Variants in MAMLD1 observed in about 807,000 individuals in gnomAD.
MAMLD1 encodes mastermind like domain containing 1.
Under a neutral mutation model 45.0 loss-of-function variants are expected in MAMLD1, and 14 were observed. That is an observed-to-expected ratio of 0.31 (90% CI 0.21 to 0.49). The LOEUF (loss-of-function observed/expected upper bound fraction) is 0.49, where lower values mean the gene tolerates loss of function less well. Ranked by LOEUF, MAMLD1 falls within the 20% of genes least tolerant of loss-of-function variation. The pLI, the probability that MAMLD1 is intolerant of heterozygous loss-of-function variation, is 0.99. For synonymous variants in MAMLD1, 254 were observed against 247.8 expected, an observed-to-expected ratio of 1.02 and a Z score of -0.24; for missense variants, 543 against 603.6, an observed-to-expected ratio of 0.90 and a Z score of 1.05.
chrX:150,444,880 C>T (rs1239651432), intron 1 of MAMLD1, among the ~76,000 whole-genome samples: 1 of 111,981 alleles, frequency 8.9e-6, no homozygotes, highest in Admixed American at 9.5e-5. Flanking sequence ...CATGAGCCCC[C>T]TTTCAATATC....
At chrX:150,431,889 G>C (rs1336626535) in intron 1 of MAMLD1, among the ~76,000 whole-genome samples, 2 of 111,405 alleles carry the variant, frequency 1.8e-5, no homozygotes, top group East Asian at 5.6e-4. Flanking sequence ...ACATGCGTGT[G>C]TGTGTCTTTA....
chrX:150,365,087 C>T (rs1380780702), intron 1 of MAMLD1, among the ~76,000 whole-genome samples: 3 of 110,607 alleles, frequency 2.7e-5, no homozygotes, highest in Non-Finnish European at 5.7e-5. Context: ...CTCTTCTTGT[C>T]TTTATAGATC....
At chrX:150,413,410 G>A (rs1160705795) in intron 1 of MAMLD1, among the ~76,000 whole-genome samples, 3 of 111,539 alleles carry the variant, frequency 2.7e-5, no homozygotes, top group African/African-American at 9.8e-5. Context: ...TGCTACGGAG[G>A]TGCAGCTTCT....
intron 5 of MAMLD1, 91 bp from the exon 6 acceptor site, chrX:150,503,183 T>C (rs2037616633): frequency 1.2e-6 from 1 of 818,429 alleles, no homozygotes; most frequent in South Asian, 2.0e-5. Flanking sequence ...AACACCCAGA[T>C]GACCCAGCTA....
At chrX:150,418,311 T>G (rs1396874524) in intron 1 of MAMLD1, among the ~76,000 whole-genome samples, 1 of 111,229 alleles carries the variant, frequency 9.0e-6, no homozygotes, top group Non-Finnish European at 1.9e-5. Context: ...TTATTGCGTC[T>G]ATTTGATTCT....
At chrX:150,457,959 A>T (rs2035922877) in intron 2 of MAMLD1, among the ~76,000 whole-genome samples, 2 of 111,550 alleles carry the variant, frequency 1.8e-5, no homozygotes, top group Admixed American at 9.5e-5. Context: ...CCTCAATTTA[A>T]AAAGAGAGGA....
At chrX:150,399,799 G>A (rs146393678) in intron 1 of MAMLD1, among the ~76,000 whole-genome samples, 3 of 112,077 alleles carry the variant, frequency 2.7e-5, no homozygotes, top group African/African-American at 9.7e-5. Context: ...AGAATGAATT[G>A]CTGTTGTTTT....
chrX:150,456,520 G>A (rs2035872552), intron 2 of MAMLD1, among the ~76,000 whole-genome samples: 1 of 111,527 alleles, frequency 9.0e-6, no homozygotes, highest in Non-Finnish European at 1.9e-5. Context: ...ACAACATCCT[G>A]AGACTCTGTG....
intron 5 of MAMLD1, among the ~76,000 whole-genome samples, chrX:150,487,074 A>G (rs2037014959): frequency 8.9e-6 from 1 of 111,829 alleles, no homozygotes; most frequent in African/African-American, 3.3e-5. Context: ...TTGCATTTGT[A>G]ATAGATTTCC....
At chrX:150,424,696 G>C (rs1039512287) in intron 1 of MAMLD1, among the ~76,000 whole-genome samples, 1 of 112,474 alleles carries the variant, frequency 8.9e-6, no homozygotes, top group African/African-American at 3.2e-5. Context: ...TTAGAGCAAA[G>C]AGTGATAACA....
intron 6 of MAMLD1, chrX:150,505,045 A>C: frequency 1.3e-6 from 1 of 754,105 alleles, no homozygotes; most frequent in African/African-American, 2.3e-5. Context: ...AGGAGGAGTC[A>C]GAATAGAGTT....
chrX:150,362,285 G>C (rs916406633), upstream of MAMLD1, among the ~76,000 whole-genome samples: 1 of 111,077 alleles, frequency 9.0e-6, no homozygotes, highest in Non-Finnish European at 1.9e-5. Context: ...GTCAGGCTCT[G>C]GTGAAAATGG....
At chrX:150,380,186 A>G (rs2032534269) in intron 1 of MAMLD1, among the ~76,000 whole-genome samples, 1 of 111,969 alleles carries the variant, frequency 8.9e-6, no homozygotes, top group Non-Finnish European at 1.9e-5. Context: ...CTCACCAACA[A>G]AGTATTTGCT....
chrX:150,405,287 A>G (rs1243956985), intron 1 of MAMLD1, among the ~76,000 whole-genome samples: 1 of 111,326 alleles, frequency 9.0e-6, no homozygotes, highest in Non-Finnish European at 1.9e-5. Flanking sequence ...ATTACACATG[A>G]TTGGGAGGAG....
rs2034343990 is a variant in MAMLD1 at position 150,418,386 on chromosome X, C to A, written c.-63-27068C>A. 3.6e-5 allele frequency among the ~76,000 whole-genome samples: 4 copies of A among 109,847 alleles called. No individual in the cohort carries two copies. The South Asian group carries it at 1.6e-3, about 43-fold the overall frequency. On this transcript the variant is annotated intron_variant, in intron 1 of 7. Transcript: ENST00000370401. ...CAATTTTGTTGATCCTTTCAGAAAACCAGCTCCTGGATTCATTAATTTTTT... is the reference window on the plus strand; with the variant it reads ...CAATTTTGTTGATCCTTTCAGAAAAACAGCTCCTGGATTCATTAATTTTTT...
At chrX:150,488,765 T>C (rs1557407776) in intron 5 of MAMLD1, among the ~76,000 whole-genome samples, 1 of 113,161 alleles carries the variant, frequency 8.8e-6, no homozygotes, top group Admixed American at 9.3e-5. Context: ...TCATCGTTTT[T>C]CTTCCCAGAG....
At chrX:150,388,571 G>A (rs1226167898) in intron 1 of MAMLD1, among the ~76,000 whole-genome samples, 1 of 111,949 alleles carries the variant, frequency 8.9e-6, no homozygotes, top group Non-Finnish European at 1.9e-5. Context: ...GGTAGTTTGT[G>A]CTGTGCAAGG....
chrX:150,424,407 G>GAGC (rs1254182037), intron 1 of MAMLD1, among the ~76,000 whole-genome samples: 1 of 112,061 alleles, frequency 8.9e-6, no homozygotes, highest in East Asian at 2.8e-4. Context: ...AGTTCCTGGG[G>GAGC]AGCAGCAGCA....
At chrX:150,406,892 A>G (rs1182785955) in intron 1 of MAMLD1, among the ~76,000 whole-genome samples, 9 of 111,033 alleles carry the variant, frequency 8.1e-5, no homozygotes, top group African/African-American at 2.6e-4. Flanking sequence ...ATGGCTCCCA[A>G]ACTCTCTCAG....
Sources: gnomAD v4.1 joint callset for allele counts (sites outside exome capture counted in the v4.1 genomes callset) on GRCh38, gnomAD v4.1.1 for gene constraint, MANE v1.5 for transcripts, NCBI Gene and HGNC (gene_info 2026-07-23, HGNC 2026-07-21) for gene names.